The following CHCHD5 variants were observed in gnomAD, a reference collection of about 807,000 sequenced individuals.
The protein encoded by CHCHD5 is coiled-coil-helix-coiled-coil-helix domain-containing protein 5.
In CHCHD5, 10 loss-of-function variants were observed where a neutral mutation model predicts 16.0. The observed-to-expected ratio is 0.63, with a 90% CI of 0.39 to 1.06. The LOEUF (loss-of-function observed/expected upper bound fraction) is 1.06, where lower values mean the gene tolerates loss of function less well. CHCHD5 is among the 50% of genes least tolerant of loss of function. CHCHD5 has a pLI of 0.01. For missense variants in CHCHD5, 163 were observed against 153.4 expected (o/e 1.06, Z -0.33); for synonymous variants, 55 against 56.3 (o/e 0.98, Z 0.10).
chr2:112,584,710 C>A, intron 1 of CHCHD5, 61 bp downstream of exon 1: 2 of 1,603,880 alleles, frequency 1.2e-6, no homozygotes, highest in Non-Finnish European at 1.7e-6. Flanking sequence ...ACCCAGTGAT[C>A]TAGACCTAGT....
At chr2:112,586,720 A>G (rs1300387783) in intron 3 of CHCHD5, 1 of 966,082 alleles carries the variant, frequency 1.0e-6, no homozygotes, top group Non-Finnish European at 1.5e-6. Flanking sequence ...TGTCACATTG[A>G]GAACAAAAGT....
chr2:112,584,812 G>T (rs747266918), intron 1 of CHCHD5, 163 bp downstream of exon 1: 8 of 783,020 alleles, frequency 1.0e-5, no homozygotes, highest in Admixed American at 4.7e-5. Context: ...CCAACCCTCC[G>T]CATGCCCAAG....
Position 112,588,859 on chromosome 2 carries a change from T to C in CHCHD5, c.310-7T>C. 1.2e-6 allele frequency: 2 copies of C among 1,610,910 alleles called. No individual in the cohort carries two copies. Among genetic ancestry groups the C allele is most frequent in the Non-Finnish European group, 1.7e-6 (2 of 1,177,532 alleles). Reference sequence around the variant, plus strand: ...TGCTACTAGATGTTGATGTACTTTCTCCACAGGCACAGCCACTTCCTGCCT... The same window carrying C: ...TGCTACTAGATGTTGATGTACTTTCCCCACAGGCACAGCCACTTCCTGCCT... On this transcript the variant is annotated splice_region_variant and splice_polypyrimidine_tract_variant and intron_variant, in intron 3 of 3. Transcript: ENST00000324913.
chr2:112,586,470 T>C (rs752992), intron 3 of CHCHD5, 105 bp downstream of exon 3: 1,263,540 of 1,568,082 alleles, frequency 0.81, 510,621 homozygotes, highest in Middle Eastern at 0.86. Context: ...CCCCACCCCA[T>C]CACCACACAG....
At chr2:112,586,463 C>G in intron 3 of CHCHD5, 98 bp downstream of exon 3, 1 of 1,574,930 alleles carries the variant, frequency 6.3e-7, no homozygotes, top group South Asian at 1.1e-5. Flanking sequence ...TCCTCAGCCC[C>G]ACCCCATCAC....
At chr2:112,586,583 G>T in intron 3 of CHCHD5, 1 of 1,507,562 alleles carries the variant, frequency 6.6e-7, no homozygotes, top group Non-Finnish European at 8.9e-7. Flanking sequence ...CAGGATACCT[G>T]CCCCAGCCTT....
At position 112,586,244 on chromosome 2, in the gene CHCHD5, A is replaced by C. The variant is rs188390128; in HGVS notation, c.188A>C (p.Glu63Ala). 15 of 1,613,674 alleles carry C rather than the reference A, an allele frequency of 9.3e-6. No individual in the cohort carries two copies. The East Asian group carries it at 3.3e-4, about 36-fold the overall frequency. Residue 63 changes from glutamate (E) to alanine (A), a missense_variant, in exon 3 of 4, where the codon GAG becomes GCG. By Grantham distance (107) the Glu-to-Ala change is moderately radical (BLOSUM62 -1). Coordinates refer to ENST00000324913, the MANE Select transcript of CHCHD5 (RefSeq NM_032309.4). ...CGCCAGGCCTGTGCTCAGCCTTTTG[A>C]GGCCTTCGAGGAGTGTCTTCGACAG... Reference protein sequence around the residue: ...QIRQACAQPFEAFEECLRQNE... With the variant: ...QIRQACAQPFAAFEECLRQNE...
chr2:112,586,831 G>A, intron 3 of CHCHD5: 1 of 448,192 alleles, frequency 2.2e-6, no homozygotes, highest in Non-Finnish European at 3.9e-6. Flanking sequence ...ATCTGCAACT[G>A]CAGAGGGGCT....
chr2:112,585,883 G>A (rs1181696579), intron 1 of CHCHD5, 91 bp from the exon 2 acceptor site: 2 of 1,437,888 alleles, frequency 1.4e-6, no homozygotes, highest in African/African-American at 2.9e-5. Flanking sequence ...GGGCCACAGT[G>A]AGACCCTGTC....
intron 3 of CHCHD5, chr2:112,587,879 C>G (rs1349393608): frequency 6.6e-6 from 1 of 152,256 alleles, no homozygotes; most frequent in East Asian, 1.9e-4. Context: ...ATCCTCCTAT[C>G]TTAGAGCCAT....
chr2:112,586,141 G>GT (rs777324354), intron 2 of CHCHD5, 27 bp downstream of exon 2: 1 of 1,611,660 alleles, frequency 6.2e-7, no homozygotes, highest in Non-Finnish European at 8.5e-7. Context: ...ATGAGACAGT[G>GT]TGGGGGGTGG....
At chr2:112,586,641 C>T in intron 3 of CHCHD5, 2 of 1,454,124 alleles carry the variant, frequency 1.4e-6, no homozygotes, top group South Asian at 2.8e-5. Flanking sequence ...ATAAAGCGGC[C>T]TGGGTGAGCA....
intron 2 of CHCHD5, 36 bp from the exon 3 acceptor site, chr2:112,586,164 G>GGT: frequency 7.1e-7 from 1 of 1,417,674 alleles, no homozygotes; most frequent in Non-Finnish European, 9.9e-7. Context: ...AGTGGGGTGG[G>GGT]AATCTCCCAG....
chr2:112,584,476 C>A, upstream of CHCHD5: 2 of 739,072 alleles, frequency 2.7e-6, no homozygotes, highest in Admixed American at 2.4e-5. Flanking sequence ...CGAGCCGGGC[C>A]GGAAGAAGAG....
chr2:112,586,700 A>G, intron 3 of CHCHD5: 2 of 1,152,640 alleles, frequency 1.7e-6, no homozygotes, highest in Non-Finnish European at 2.4e-6. Flanking sequence ...AAAGCTCTCC[A>G]GTGGCTTTGT....
rs1170009670 is a variant in CHCHD5, at chr2:112,586,857, A to G, written c.309+492A>G. 7.8e-6 allele frequency: 3 copies of G among 386,368 alleles called. No individual in the cohort carries two copies. The East Asian group carries it at 1.2e-4, about 16-fold the overall frequency. 23.9% of individuals were successfully genotyped at this position (386,368 alleles called of 1,614,324 possible). ...CAGAGGGGCTGGGCTGGGGTGGCCA[A>G]AAAAAGGTCACTCTTTTAAATGTAT... On this transcript the variant is annotated intron_variant, in intron 3 of 3. Coordinates refer to ENST00000324913, the MANE Select transcript of CHCHD5 (RefSeq NM_032309.4).
At chr2:112,584,522 A>G (rs568506194), upstream of CHCHD5, 23 of 1,213,258 alleles carry the variant, frequency 1.9e-5, no homozygotes, top group Middle Eastern at 5.1e-4. Context: ...TCCTAAAGGG[A>G]ACGGGGTTGT....
intron 2 of CHCHD5, 38 bp from the exon 3 acceptor site, chr2:112,586,162 G>A (rs1437004975): frequency 6.2e-7 from 1 of 1,609,550 alleles, no homozygotes; most frequent in Non-Finnish European, 8.5e-7. Context: ...GCAGTGGGGT[G>A]GGAATCTCCC....
chr2:112,585,942 T>TGGAATGATCCTCAGCCC, intron 1 of CHCHD5, 32 bp from the exon 2 acceptor site: 1 of 1,597,628 alleles, frequency 6.3e-7, no homozygotes, highest in Non-Finnish European at 8.5e-7. Flanking sequence ...GCCTACTGCC[T>TGGAATGATCCTCAGCCC]GGAATGATCC....
Sources: allele counts gnomAD v4.1 joint callset, GRCh38; gene constraint gnomAD v4.1.1; transcripts MANE v1.5; gene names NCBI Gene and HGNC (gene_info 2026-07-23, HGNC 2026-07-21).